PIP4K2A: variants seen among roughly 807,000 people sequenced by gnomAD.
The protein encoded by PIP4K2A is phosphatidylinositol-5-phosphate 4-kinase type 2 alpha, also known as phosphatidylinositol 5-phosphate 4-kinase type-2 alpha.
In PIP4K2A, 14 loss-of-function variants were observed where a neutral mutation model predicts 42.9. The ratio of observed to expected loss-of-function variants is 0.33; its 90% CI spans 0.22 to 0.51. The LOEUF (loss-of-function observed/expected upper bound fraction) is 0.51. Among genes scored for constraint, PIP4K2A ranks in the 20% least tolerant of loss-of-function variants. The probability of loss-of-function intolerance (pLI) is 0.97; values close to 1 mark genes in which losing one functional copy is unlikely to be tolerated. For synonymous variants in PIP4K2A, 192 were observed against 192.2 expected (o/e 1.00, Z 0.01); for missense variants, 434 against 519.8 (o/e 0.83, Z 1.61).
intron 5 of PIP4K2A, among the ~76,000 whole-genome samples, chr10:22,571,825 C>G (rs1430156378): frequency 6.6e-6 from 1 of 152,196 alleles, no homozygotes; most frequent in African/African-American, 2.4e-5. Context: ...CGGCATAACA[C>G]CACACAGACT....
In PIP4K2A at chr10:22,550,654, C is replaced by G; in HGVS notation, c.792+5G>C. The G allele has an allele frequency of 6.9e-7, 1 of 1,448,680 alleles. No individual in the cohort carries two copies. The highest frequency in any genetic ancestry group is 9.7e-7 in the Non-Finnish European group (1 of 1,028,034). The allele number at this position is 1,448,680 out of a possible 1,614,324, so 89.7% of individuals were successfully genotyped here. A position where few individuals can be genotyped will look rare whatever the true frequency, so the allele number is the denominator to read the frequency against. On this transcript the variant is annotated splice_donor_5th_base_variant and intron_variant, in intron 7 of 9. Coordinates refer to ENST00000376573, the MANE Select transcript of PIP4K2A (RefSeq NM_005028.5). Reference sequence around the variant, plus strand: ...GAGTCTGGCCTCTCCACTGACTGTTCTTACCTCAACATCCTTTTTTAGTTT... The same window carrying G: ...GAGTCTGGCCTCTCCACTGACTGTTGTTACCTCAACATCCTTTTTTAGTTT...
intron 1 of PIP4K2A, among the ~76,000 whole-genome samples, chr10:22,676,950 G>T (rs929909068): frequency 2.6e-5 from 4 of 152,164 alleles, no homozygotes; most frequent in African/African-American, 9.7e-5. Flanking sequence ...CTGCTAGTAG[G>T]TTAGTCTGGT....
rs1564459844 is a variant in PIP4K2A, at chr10:22,664,080, T to TATATATATACATATATATATATAC, written c.144+50079_144+50102dup. Among the ~76,000 whole-genome samples the TATATATATACATATATATATATAC allele has an allele frequency of 1.8e-4, 13 of 73,850 alleles. No homozygotes were observed. The East Asian group carries it at 2.4e-3, about 14-fold the overall frequency. 48.4% of individuals were successfully genotyped at this position (73,850 alleles called of 152,430 possible). A position where few individuals can be genotyped will look rare whatever the true frequency, so the allele number is the denominator to read the frequency against. On this transcript the variant is annotated intron_variant, in intron 1 of 9. Transcript: ENST00000376573. Reference sequence around the variant, plus strand: ...ATATATACATATATATATATACGTATATATATATACATATATATATATACA... The same window carrying TATATATATACATATATATATATAC: ...ATATATACATATATATATATACGTATATATATATACATATATATATATACATATATATACATATATATATATACA...
At chr10:22,711,636 G>A (rs980080667) in intron 1 of PIP4K2A, among the ~76,000 whole-genome samples, 1 of 152,214 alleles carries the variant, frequency 6.6e-6, no homozygotes, top group Non-Finnish European at 1.5e-5. Flanking sequence ...AACTTAAAGC[G>A]CAGATTCAAT....
At chr10:22,645,549 TAAAAA>T (rs71395807) in intron 1 of PIP4K2A, among the ~76,000 whole-genome samples, 23 of 126,924 alleles carry the variant, frequency 1.8e-4, no homozygotes, top group African/African-American at 6.3e-4. Flanking sequence ...TCTATTTCTT[TAAAAA>T]AAAAAAAAAA....
chr10:22,601,605 T>A (rs1837780761), intron 3 of PIP4K2A, among the ~76,000 whole-genome samples: 1 of 152,174 alleles, frequency 6.6e-6, no homozygotes, highest in African/African-American at 2.4e-5. Context: ...TGACAGTGCT[T>A]AGGCATTAGA....
chr10:22,686,697 T>C (rs1235653820), intron 1 of PIP4K2A, among the ~76,000 whole-genome samples: 1 of 152,184 alleles, frequency 6.6e-6, no homozygotes, highest in Non-Finnish European at 1.5e-5. Flanking sequence ...CTCAAACTCC[T>C]GACTTCTAGC....
At chr10:22,647,326 G>A (rs1215228069) in intron 1 of PIP4K2A, among the ~76,000 whole-genome samples, 4 of 148,064 alleles carry the variant, frequency 2.7e-5, no homozygotes, top group African/African-American at 9.9e-5. Flanking sequence ...GTGTGTGTAT[G>A]TGTGTGTGTG....
At chr10:22,600,962 T>C (rs773516747) in intron 3 of PIP4K2A, among the ~76,000 whole-genome samples, 1 of 150,924 alleles carries the variant, frequency 6.6e-6, no homozygotes, top group Non-Finnish European at 1.5e-5. Context: ...ATGAAACAAC[T>C]TATCAGAAAA....
At chr10:22,689,070 C>T (rs999089177) in intron 1 of PIP4K2A, among the ~76,000 whole-genome samples, 3 of 152,140 alleles carry the variant, frequency 2.0e-5, no homozygotes, top group African/African-American at 7.2e-5. Flanking sequence ...GATTTTTCTT[C>T]GAGGAGCACA....
At position 22,541,717 on chromosome 10, in the gene PIP4K2A, A is replaced by C; in HGVS notation, c.1036+87T>G. The C allele has an allele frequency of 2.1e-6, 3 of 1,421,176 alleles. No individual in the cohort carries two copies. In the Admixed American group the frequency reaches 7.9e-5, roughly 37 times the overall value. 88.0% of individuals were successfully genotyped at this position (1,421,176 alleles called of 1,614,324 possible). On this transcript the variant is annotated intron_variant, in intron 8 of 9. Transcript: ENST00000376573. ...ATGAGTGCTGCCGGGCAGCACCCTCATAACTGGGGTAGTGCTTACTGGTAG... is the reference window on the plus strand; with the variant it reads ...ATGAGTGCTGCCGGGCAGCACCCTCCTAACTGGGGTAGTGCTTACTGGTAG...
intron 1 of PIP4K2A, among the ~76,000 whole-genome samples, chr10:22,664,122 T>TATATAC (rs1839280950): frequency 4.5e-5 from 3 of 66,682 alleles, no homozygotes; most frequent in African/African-American, 4.0e-4. Flanking sequence ...TATACATATA[T>TATATAC]ATATATACAT....
intron 1 of PIP4K2A, among the ~76,000 whole-genome samples, chr10:22,679,762 G>A (rs1839625058): frequency 1.3e-5 from 2 of 152,148 alleles, no homozygotes; most frequent in African/African-American, 2.4e-5. Context: ...AAGGTACAAT[G>A]TGGATGAACC....
At chr10:22,601,807 G>A (rs926691351) in intron 3 of PIP4K2A, among the ~76,000 whole-genome samples, 1 of 152,132 alleles carries the variant, frequency 6.6e-6, no homozygotes, top group Non-Finnish European at 1.5e-5. Flanking sequence ...AAGTCAACAG[G>A]TCAAAAACTC....
rs184045403 is a variant in PIP4K2A at position 22,586,051 on chromosome 10, G to A, written c.492+5578C>T. Among the ~76,000 whole-genome samples, 532 of 152,260 alleles carry A rather than the reference G, an allele frequency of 3.5e-3. 4 individuals carry two copies. The highest frequency in any genetic ancestry group is 0.012 in the African/African-American group (490 of 41,556). ...TTTTACCATTTTTTCCTTTTTGAAT[G>A]TTCTAACATTGTTTAGTTAATCAAC... On this transcript the variant is annotated intron_variant, in intron 4 of 9. Transcript: ENST00000376573.
intron 7 of PIP4K2A, among the ~76,000 whole-genome samples, chr10:22,544,407 C>T (rs1836209393): frequency 6.6e-6 from 1 of 152,168 alleles, no homozygotes; most frequent in South Asian, 2.1e-4. Flanking sequence ...GGGTCAGGGT[C>T]TCCTTGGCCA....
At chr10:22,586,532 T>C (rs1473037900) in intron 4 of PIP4K2A, among the ~76,000 whole-genome samples, 1 of 152,224 alleles carries the variant, frequency 6.6e-6, no homozygotes, top group Non-Finnish European at 1.5e-5. Context: ...CATTTAGCAC[T>C]TCTTTTTCTT....
intron 1 of PIP4K2A, among the ~76,000 whole-genome samples, chr10:22,623,850 C>G (rs1026551826): frequency 6.6e-6 from 1 of 152,182 alleles, no homozygotes; most frequent in African/African-American, 2.4e-5. Flanking sequence ...AGACTGAGCC[C>G]TGAGCTCCCA....
chr10:22,583,887 G>C (rs1837332748), intron 4 of PIP4K2A, among the ~76,000 whole-genome samples: 2 of 152,216 alleles, frequency 1.3e-5, no homozygotes, highest in South Asian at 2.1e-4. Context: ...GCCTTCCGAG[G>C]GCAGCCTGTC....
Sources: gnomAD v4.1 joint callset for allele counts (sites outside exome capture counted in the v4.1 genomes callset) on GRCh38, gnomAD v4.1.1 for gene constraint, MANE v1.5 for transcripts, NCBI Gene and HGNC (gene_info 2026-07-23, HGNC 2026-07-21) for gene names.